The following GABBR1 variants were observed in gnomAD, a reference collection of about 807,000 sequenced individuals.
The protein encoded by GABBR1 is gamma-aminobutyric acid type B receptor subunit 1.
A neutral mutation model predicts 117.7 loss-of-function variants in GABBR1; 35 were observed. The observed-to-expected ratio is 0.30, with a 90% CI of 0.23 to 0.39. GABBR1 has a LOEUF of 0.39. GABBR1 is among the 10% of genes least tolerant of loss of function. GABBR1 has a pLI of 1.00. For synonymous variants in GABBR1, 442 were observed against 486.6 expected (o/e 0.91, Z 1.21); for missense variants, 709 against 1,241.8 (o/e 0.57, Z 6.45).
intron 11 of GABBR1, among the ~76,000 whole-genome samples, chr6:29,616,366 A>G (rs1228679022): frequency 2.6e-5 from 4 of 151,038 alleles, no homozygotes; most frequent in Non-Finnish European, 5.9e-5. Context: ...CAACAGAGCA[A>G]GACTCCATCT....
intron 6 of GABBR1, 156 bp from the exon 7 acceptor site, chr6:29,624,180 G>A: frequency 2.7e-6 from 2 of 727,572 alleles, no homozygotes; most frequent in East Asian, 2.9e-5. Flanking sequence ...ATCTCTTCCT[G>A]TCAAGTGCCT....
In GABBR1 at chr6:29,604,468, C is replaced by T. The variant is rs1005159843; in HGVS notation, c.2712+26G>A. On this transcript the variant is annotated intron_variant, in intron 22 of 22. Coordinates refer to ENST00000377034, the MANE Select transcript of GABBR1 (RefSeq NM_001470.4). The surrounding 1 kb of genome is among the most constrained non-coding windows in gnomAD (Gnocchi z 5.3). ...GCAAGCCTCCTGGACCACTCCAACA[C>T]CCTACCCTGACACCCACCCCCGCAC... 1.2e-6 allele frequency: 2 copies of T among 1,613,216 alleles called. No homozygotes were observed. The highest frequency in any genetic ancestry group is 4.5e-5 in the East Asian group (2 of 44,874).
rs1763607771 is a variant in GABBR1, at chr6:29,620,245, T to C, written c.1323+856A>G. Among the ~76,000 whole-genome samples, 1 of 152,178 alleles carries C rather than the reference T, an allele frequency of 6.6e-6. No individual in the cohort carries two copies. Among genetic ancestry groups the C allele is most frequent in the East Asian group, 1.9e-4 (1 of 5,194 alleles). On this transcript the variant is annotated intron_variant, in intron 11 of 22. Transcript: ENST00000377034. This position sits in a 1 kb window ranked among gnomAD's most constrained non-coding sequence, Gnocchi z 4.5. ...AGTTTTGCTGTTAGAATCCCTGAAA[T>C]CATGAATCTAAGTACCACACAAATG...
In GABBR1 at chr6:29,607,551, C is replaced by G. The variant is rs1336008816; in HGVS notation, c.1993-333G>C. Among the ~76,000 whole-genome samples the G allele has an allele frequency of 6.6e-6, 1 of 152,154 alleles. No individual in the cohort carries two copies. Among genetic ancestry groups the G allele is most frequent in the Non-Finnish European group, 1.5e-5 (1 of 68,016 alleles). On this transcript the variant is annotated intron_variant, in intron 16 of 22. Coordinates refer to ENST00000377034, the MANE Select transcript of GABBR1 (RefSeq NM_001470.4). The surrounding 1 kb of genome is among the most constrained non-coding windows in gnomAD (Gnocchi z 5.0). Reference sequence around the variant, plus strand: ...ACTTCTGGATATGACACAGACCCTTCACAACATGCTCCCATCCACCTGTCC... The same window carrying G: ...ACTTCTGGATATGACACAGACCCTTGACAACATGCTCCCATCCACCTGTCC...
rs1233929768 is a variant in GABBR1 at position 29,613,535 on chromosome 6, G to A, written c.1324-50C>T. The A allele has an allele frequency of 1.3e-6, 2 of 1,587,868 alleles. No individual in the cohort carries two copies. The highest frequency in any genetic ancestry group is 1.3e-5 in the African/African-American group (1 of 74,486). On this transcript the variant is annotated intron_variant, in intron 11 of 22. Coordinates refer to ENST00000377034, the MANE Select transcript of GABBR1 (RefSeq NM_001470.4). This position sits in a 1 kb window ranked among gnomAD's most constrained non-coding sequence, Gnocchi z 4.1. ...AAGAACTGAAATGTGTGTGGGTGTG[G>A]GGGAAGGGGTGCAATCCAATTCTGA...
chr6:29,611,201 G>C lies in GABBR1; in HGVS notation c.1631-200C>G. On this transcript the variant is annotated intron_variant, in intron 13 of 22. Transcript: ENST00000377034. The surrounding 1 kb of genome is among the most constrained non-coding windows in gnomAD (Gnocchi z 4.6). ...AAAAGCAATATAAGGTGGTTCCCAAGACAACTCAAATAAATAAGAATATCT... is the reference window on the plus strand; with the variant it reads ...AAAAGCAATATAAGGTGGTTCCCAACACAACTCAAATAAATAAGAATATCT... 2.0e-6 allele frequency: 1 copy of C among 510,730 alleles called. No individual in the cohort carries two copies. Among genetic ancestry groups the C allele is most frequent in the Non-Finnish European group, 3.5e-6 (1 of 287,308 alleles). 31.6% of individuals were successfully genotyped at this position (510,730 alleles called of 1,614,324 possible). A position where few individuals can be genotyped will look rare whatever the true frequency, so the allele number is the denominator to read the frequency against.
chr6:29,628,573 C>T (rs1764616559), intron 5 of GABBR1, among the ~76,000 whole-genome samples: 1 of 149,986 alleles, frequency 6.7e-6, no homozygotes, highest in Non-Finnish European at 1.5e-5. Flanking sequence ...GAAAGGGAGA[C>T]AGGACATGGA....
At position 29,611,699 on chromosome 6, in the gene GABBR1, G is replaced by A. The variant is rs187234082; in HGVS notation, c.1631-698C>T. On this transcript the variant is annotated intron_variant, in intron 13 of 22. Coordinates refer to ENST00000377034, the MANE Select transcript of GABBR1 (RefSeq NM_001470.4). The surrounding 1 kb of genome is among the most constrained non-coding windows in gnomAD (Gnocchi z 4.6). ...AAGAAATAGCTCTCTTGGCCATGCCGTAAAAGACTGAGAGCCGAGTGGAGC... is the reference window on the plus strand; with the variant it reads ...AAGAAATAGCTCTCTTGGCCATGCCATAAAAGACTGAGAGCCGAGTGGAGC... 3.3e-5 allele frequency among the ~76,000 whole-genome samples: 5 copies of A among 152,300 alleles called. No individual in the cohort carries two copies. Among genetic ancestry groups the A allele is most frequent in the African/African-American group, 1.2e-4 (5 of 41,562 alleles).
rs770744082 is a variant in GABBR1 at position 29,613,346 on chromosome 6, C to A, written c.1463G>T (p.Gly488Val). ...CTCCAGGCGCACACCAGAACGGCCG[C>A]CTCCTCCAGATGTCTTGTTCAGGGC... ...ALALNKTSGG[G>V]GRSGVRLEDF... The change falls in exon 12 of 23, where the codon GGC (glycine) becomes GTC (valine). Residue 488 changes from glycine (G) to valine (V), a missense_variant. Gly to Val is a moderately radical substitution (Grantham distance 109, BLOSUM62 -3). Transcript: ENST00000377034. This position sits in a 1 kb window ranked among gnomAD's most constrained non-coding sequence, Gnocchi z 4.1. 1.9e-6 allele frequency: 3 copies of A among 1,612,996 alleles called. No homozygotes were observed. Among genetic ancestry groups the A allele is most frequent in the Non-Finnish European group, 2.5e-6 (3 of 1,180,034 alleles).
Position 29,607,612 on chromosome 6 carries a change from C to T in GABBR1, c.1993-394G>A, listed in dbSNP as rs187457830. Among the ~76,000 whole-genome samples, 216 of 152,352 alleles carry T rather than the reference C, an allele frequency of 1.4e-3. No homozygotes were observed. Among genetic ancestry groups the T allele is most frequent in the African/African-American group, 5.1e-3 (210 of 41,582 alleles). On this transcript the variant is annotated intron_variant, in intron 16 of 22. Transcript: ENST00000377034. The surrounding 1 kb of genome is among the most constrained non-coding windows in gnomAD (Gnocchi z 5.0). The stretch of plus-strand genomic sequence containing the variant: ...ATCTCCCAGCCCCACACCTACCCCA[C>T]GCTCCAGCCATGCTGAACTACTCAC...
rs1377844232 is a variant in GABBR1, at chr6:29,627,719, C to A, written c.497-73G>T. 2 of 1,522,384 alleles carry A rather than the reference C, an allele frequency of 1.3e-6. No individual in the cohort carries two copies. Among genetic ancestry groups the A allele is most frequent in the South Asian group, 2.4e-5 (2 of 83,176 alleles). 94.3% of individuals were successfully genotyped at this position (1,522,384 alleles called of 1,614,324 possible). On this transcript the variant is annotated intron_variant, in intron 5 of 22. Coordinates refer to ENST00000377034, the MANE Select transcript of GABBR1 (RefSeq NM_001470.4). This position sits in a 1 kb window ranked among gnomAD's most constrained non-coding sequence, Gnocchi z 4.4. ...GGGGAGTGGGAGGCCCACACCGGAGCCACCCCTGCCGCCATCACAACCAGA... is the reference window on the plus strand; with the variant it reads ...GGGGAGTGGGAGGCCCACACCGGAGACACCCCTGCCGCCATCACAACCAGA...
chr6:29,624,105 C>A, intron 6 of GABBR1, 81 bp from the exon 7 acceptor site: 1 of 1,318,546 alleles, frequency 7.6e-7, no homozygotes. Context: ...CTTTCTCGAA[C>A]AAATTAGTTC....
In GABBR1 at chr6:29,622,302, T is replaced by C. The variant is rs910426414; in HGVS notation, c.964-97A>G. 3.7e-5 allele frequency: 30 copies of C among 801,438 alleles called. No individual in the cohort carries two copies. The East Asian group carries it at 7.0e-4, about 19-fold the overall frequency. 49.6% of individuals were successfully genotyped at this position (801,438 alleles called of 1,614,324 possible). A position where few individuals can be genotyped will look rare whatever the true frequency, so the allele number is the denominator to read the frequency against. On this transcript the variant is annotated intron_variant, in intron 8 of 22. Coordinates refer to ENST00000377034, the MANE Select transcript of GABBR1 (RefSeq NM_001470.4). The surrounding 1 kb of genome is among the most constrained non-coding windows in gnomAD (Gnocchi z 4.6). ...TGGGGATTTCAGAGCAATACTCAGA[T>C]AGAGCAAAGAAGCAGCCATTCTGAA...
rs1031446324 is a variant in GABBR1 at position 29,611,816 on chromosome 6, C to A, written c.1630+735G>T. On this transcript the variant is annotated intron_variant, in intron 13 of 22. Coordinates refer to ENST00000377034, the MANE Select transcript of GABBR1 (RefSeq NM_001470.4). The surrounding 1 kb of genome is among the most constrained non-coding windows in gnomAD (Gnocchi z 4.6). Reference sequence around the variant, plus strand: ...AAAAGCCAAGCTATACACATTGAAGCTTTACACAGCAAGGAAATTTGGCAG... The same window carrying A: ...AAAAGCCAAGCTATACACATTGAAGATTTACACAGCAAGGAAATTTGGCAG... Among the ~76,000 whole-genome samples, 1 of 151,940 alleles carries A rather than the reference C, an allele frequency of 6.6e-6. No homozygotes were observed. The highest frequency in any genetic ancestry group is 1.5e-5 in the Non-Finnish European group (1 of 68,006).
chr6:29,621,799 T>G lies in GABBR1; in HGVS notation c.1084A>C (p.Ile362Leu). The change falls in exon 10 of 23, where the codon ATC (isoleucine) becomes CTC (leucine). Residue 362 changes from isoleucine to leucine, a missense_variant. Physicochemically the swap from Ile to Leu is conservative, Grantham distance 5. Coordinates refer to ENST00000377034, the MANE Select transcript of GABBR1 (RefSeq NM_001470.4). The surrounding 1 kb of genome is among the most constrained non-coding windows in gnomAD (Gnocchi z 5.0). ...TCAGTCTCATAGAAAAGTCCCACGA[T>G]GATTCGGGCATCCTGGCGCTACAAC... is the stretch of plus-strand genomic sequence containing the variant. ...KNLKRQDARI[I>L]VGLFYETEAR... 1 of 1,614,200 alleles carries G rather than the reference T, an allele frequency of 6.2e-7. No homozygotes were observed. The highest frequency in any genetic ancestry group is 8.5e-7 in the Non-Finnish European group (1 of 1,180,048).
chr6:29,628,184 G>A, intron 5 of GABBR1: 4 of 793,618 alleles, frequency 5.0e-6, no homozygotes, highest in Non-Finnish European at 6.1e-6. Flanking sequence ...CAGTCGGAGG[G>A]GCGGGGAGGG....
At position 29,604,490 on chromosome 6, in the gene GABBR1, G is replaced by A. The variant is rs773244474; in HGVS notation, c.2712+4C>T. On this transcript the variant is annotated splice_donor_region_variant and intron_variant, in intron 22 of 22. Coordinates refer to ENST00000377034, the MANE Select transcript of GABBR1 (RefSeq NM_001470.4). The surrounding 1 kb of genome is among the most constrained non-coding windows in gnomAD (Gnocchi z 5.3). ...ACACCCTACCCTGACACCCACCCCC[G>A]CACCTCAGCAATGATCTTTTCCAGT... is the stretch of plus-strand genomic sequence containing the variant. 7 of 1,613,008 alleles carry A rather than the reference G, an allele frequency of 4.3e-6. No homozygotes were observed. The highest frequency in any genetic ancestry group is 1.6e-4 in the Middle Eastern group (1 of 6,082).
rs949100789 is a variant in GABBR1, at chr6:29,627,249, G to A, written c.657+237C>T. On this transcript the variant is annotated intron_variant, in intron 6 of 22. Transcript: ENST00000377034. This position sits in a 1 kb window ranked among gnomAD's most constrained non-coding sequence, Gnocchi z 4.4. ...GCGAGACTCCCGCAGCGGGGCAGAA[G>A]GGTCTGCCTTGCAGCATGCTTAACC... Among the ~76,000 whole-genome samples, 1 of 152,194 alleles carries A rather than the reference G, an allele frequency of 6.6e-6. No individual in the cohort carries two copies. The highest frequency in any genetic ancestry group is 2.4e-5 in the African/African-American group (1 of 41,442).
At position 29,603,354 on chromosome 6, in the gene GABBR1, G is replaced by A. The variant is rs1761580567; in HGVS notation, c.*189C>T. The A allele has an allele frequency of 1.4e-6, 1 of 709,460 alleles. No homozygotes were observed. Among genetic ancestry groups the A allele is most frequent in the South Asian group, 1.5e-5 (1 of 66,806 alleles). The allele number at this position is 709,460 out of a possible 1,614,324, so 43.9% of individuals were successfully genotyped here. A position where few individuals can be genotyped will look rare whatever the true frequency, so the allele number is the denominator to read the frequency against. Reference sequence around the variant, plus strand: ...ACATGAAGCAGTAAGAGAGAAAAAGGTCTGTTTCCCAGAGGTATGAGAGAC... The same window carrying A: ...ACATGAAGCAGTAAGAGAGAAAAAGATCTGTTTCCCAGAGGTATGAGAGAC... On this transcript the variant is annotated 3_prime_UTR_variant, in exon 23 of 23. Coordinates refer to ENST00000377034, the MANE Select transcript of GABBR1 (RefSeq NM_001470.4).
Sources: allele counts gnomAD v4.1 joint callset (sites outside exome capture counted in the v4.1 genomes callset), GRCh38; gene constraint gnomAD v4.1.1; non-coding constraint Gnocchi (gnomAD v3.1); transcripts MANE v1.5; gene names NCBI Gene and HGNC (gene_info 2026-07-23, HGNC 2026-07-21).